The following ZNF423 variants were observed in gnomAD, a reference collection of about 807,000 sequenced individuals.
ZNF423 encodes the protein Ebf-associated zinc finger protein.
Under a neutral mutation model 95.8 loss-of-function variants are expected in ZNF423, and 12 were observed. The ratio of observed to expected loss-of-function variants is 0.13; its 90% CI spans 0.08 to 0.20. The LOEUF is 0.20. Among genes scored for constraint, ZNF423 ranks in the 10% least tolerant of loss-of-function variants. ZNF423 has a pLI of 1.00. For missense variants in ZNF423, 1,316 were observed against 1,737.1 expected, an observed-to-expected ratio of 0.76 and a Z score of 4.31; for synonymous variants, 749 against 711.9, an observed-to-expected ratio of 1.05 and a Z score of -0.83.
chr16:49,540,043 T>A (rs1326675978), intron 5 of ZNF423, among the ~76,000 whole-genome samples: 3 of 152,138 alleles, frequency 2.0e-5, no homozygotes, highest in African/African-American at 7.2e-5. Flanking sequence ...GAGGGGCCAA[T>A]GTTCTGGTGC....
intron 5 of ZNF423, among the ~76,000 whole-genome samples, chr16:49,532,400 T>C (rs1160257862): frequency 6.6e-6 from 1 of 152,106 alleles, no homozygotes; most frequent in Non-Finnish European, 1.5e-5. Context: ...GCTCACATTT[T>C]CCTAATTAAT....
intron 3 of ZNF423, among the ~76,000 whole-genome samples, chr16:49,650,781 A>G (rs1973372325): frequency 6.6e-6 from 1 of 152,208 alleles, no homozygotes; most frequent in Admixed American, 6.5e-5. Flanking sequence ...CTGACATCAC[A>G]AAGTGACTGG....
intron 1 of ZNF423, among the ~76,000 whole-genome samples, chr16:49,812,602 C>G (rs908372409): frequency 6.6e-6 from 1 of 152,270 alleles, no homozygotes. Context: ...ATCTCCTGAG[C>G]CTGTGAGTTC....
In ZNF423 at chr16:49,783,969, A is replaced by G. The variant is rs1418668447; in HGVS notation, c.100+5518T>C. 1.3e-4 allele frequency among the ~76,000 whole-genome samples: 11 copies of G among 83,058 alleles called. No individual in the cohort carries two copies. The East Asian group carries it at 3.8e-3, about 28-fold the overall frequency. 54.5% of individuals were successfully genotyped at this position (83,058 alleles called of 152,430 possible). Reference sequence around the variant, plus strand: ...TGGCAACAGAGCAAGACTCCAACTCAAAAAAAAAAAAAAAGAAAAGAAAAA... The same window carrying G: ...TGGCAACAGAGCAAGACTCCAACTCGAAAAAAAAAAAAAAGAAAAGAAAAA... On this transcript the variant is annotated intron_variant, in intron 2 of 7. Coordinates refer to ENST00000563137, the MANE Select transcript of ZNF423 (RefSeq NM_001379286.1).
intron 7 of ZNF423, among the ~76,000 whole-genome samples, chr16:49,500,901 A>T (rs969935030): frequency 7.8e-5 from 11 of 141,298 alleles, no homozygotes; most frequent in East Asian, 4.1e-4. Flanking sequence ...GACCTCATTT[A>T]AAAAAAAAAA....
chr16:49,746,665 A>G (rs1175589318), intron 2 of ZNF423, among the ~76,000 whole-genome samples: 2 of 152,090 alleles, frequency 1.3e-5, no homozygotes, highest in Non-Finnish European at 2.9e-5. Context: ...TTTAGTAGAA[A>G]TGGGGTTAGC....
intron 3 of ZNF423, among the ~76,000 whole-genome samples, chr16:49,655,841 A>G (rs2029871802): frequency 6.6e-6 from 1 of 152,080 alleles, no homozygotes; most frequent in Non-Finnish European, 1.5e-5. Flanking sequence ...AACCCACACC[A>G]CTGAATTATT....
chr16:49,789,640 G>T lies in ZNF423; in HGVS notation c.41-94C>A, dbSNP rs535528818. 29 of 1,280,832 alleles carry T rather than the reference G, an allele frequency of 2.3e-5. No individual in the cohort carries two copies. The East Asian group carries it at 6.2e-4, about 27-fold the overall frequency. The allele number at this position is 1,280,832 out of a possible 1,614,324, so 79.3% of individuals were successfully genotyped here. A position where few individuals can be genotyped will look rare whatever the true frequency, so the allele number is the denominator to read the frequency against. On this transcript the variant is annotated intron_variant, in intron 1 of 7. Coordinates refer to ENST00000563137, the MANE Select transcript of ZNF423 (RefSeq NM_001379286.1). ...GCGAGGAAGAAGGAACATTTGTGGG[G>T]GTCCTTATTATAATACCCATCACCA...
chr16:49,542,399 C>A (rs1437135596), intron 5 of ZNF423, among the ~76,000 whole-genome samples: 1 of 152,178 alleles, frequency 6.6e-6, no homozygotes, highest in Non-Finnish European at 1.5e-5. Flanking sequence ...ATTGAGTGAT[C>A]CTATGCATTT....
intron 3 of ZNF423, 41 bp downstream of exon 3, chr16:49,730,730 G>T (rs1187998977): frequency 1.2e-6 from 2 of 1,607,262 alleles, no homozygotes; most frequent in South Asian, 1.1e-5. Flanking sequence ...CCAATTACCC[G>T]TGTAACCACC....
chr16:49,767,127 TA>T (rs1012713238), intron 2 of ZNF423, among the ~76,000 whole-genome samples: 2 of 152,102 alleles, frequency 1.3e-5, no homozygotes, highest in African/African-American at 4.8e-5. Context: ...ATAATTTTTT[TA>T]TTTTTTTTGT....
At chr16:49,730,227 C>T (rs2033128561) in intron 3 of ZNF423, among the ~76,000 whole-genome samples, 1 of 152,172 alleles carries the variant, frequency 6.6e-6, no homozygotes, top group Non-Finnish European at 1.5e-5. Flanking sequence ...AAATGGAGAA[C>T]AGAGCTCCAG....
At chr16:49,751,190 T>A (rs1386589624) in intron 2 of ZNF423, among the ~76,000 whole-genome samples, 1 of 152,226 alleles carries the variant, frequency 6.6e-6, no homozygotes, top group Non-Finnish European at 1.5e-5. Flanking sequence ...GCCTCCGTAC[T>A]TTAAAATAAC....
chr16:49,590,029 A>AATATATATATATATATATATAT lies in ZNF423; in HGVS notation c.3601+36119_3601+36140dup, dbSNP rs201361462. ...GGGATGGGGTAAAGGGGAAGTGGCG[A>AATATATATATATATATATATAT]ATATATATATATATATATATATTTG... On this transcript the variant is annotated intron_variant, in intron 5 of 7. Transcript: ENST00000563137. Among the ~76,000 whole-genome samples the AATATATATATATATATATATAT allele has an allele frequency of 3.8e-3, 372 of 97,488 alleles. 12 individuals are homozygous for AATATATATATATATATATATAT. The highest frequency in any genetic ancestry group is 7.9e-3 in the African/African-American group (216 of 27,216). The allele number at this position is 97,488 out of a possible 152,430, so 64.0% of individuals were successfully genotyped here.
At chr16:49,724,690 G>T (rs951922372) in intron 3 of ZNF423, among the ~76,000 whole-genome samples, 2 of 152,178 alleles carry the variant, frequency 1.3e-5, no homozygotes, top group South Asian at 4.1e-4. Flanking sequence ...GGGCCCACAG[G>T]TCACTCTGGC....
chr16:49,722,685 C>T (rs1166537014), intron 3 of ZNF423, among the ~76,000 whole-genome samples: 2 of 152,168 alleles, frequency 1.3e-5, no homozygotes, highest in Admixed American at 6.5e-5. Flanking sequence ...TCTTACTGCA[C>T]ACACCCCTTT....
At chr16:49,562,950 A>T (rs1970066272) in intron 5 of ZNF423, among the ~76,000 whole-genome samples, 1 of 151,906 alleles carries the variant, frequency 6.6e-6, no homozygotes, top group African/African-American at 2.4e-5. Context: ...AGCCCAGCTA[A>T]TTTTTTTGCA....
At chr16:49,537,655 C>T (rs2151731823) in intron 5 of ZNF423, among the ~76,000 whole-genome samples, 1 of 152,236 alleles carries the variant, frequency 6.6e-6, no homozygotes, top group South Asian at 2.1e-4. Context: ...GTGCACAGGG[C>T]CCTCAAAAGG....
chr16:49,858,935 C>G (rs2035402310), upstream of ZNF423, among the ~76,000 whole-genome samples: 1 of 152,122 alleles, frequency 6.6e-6, no homozygotes, highest in African/African-American at 2.4e-5. The surrounding 1 kb of genome is among the most constrained non-coding windows in gnomAD (Gnocchi z 4.3). Flanking sequence ...GGGAGGGGGA[C>G]GATTGGCCTC....
Sources: allele counts gnomAD v4.1 joint callset (sites outside exome capture counted in the v4.1 genomes callset), GRCh38; gene constraint gnomAD v4.1.1; non-coding constraint Gnocchi (gnomAD v3.1); transcripts MANE v1.5; gene names NCBI Gene and HGNC (gene_info 2026-07-23, HGNC 2026-07-21).